Variants in DGKB observed in about 807,000 individuals in gnomAD.
DGKB encodes the protein diacylglycerol kinase beta, also known as 90 kDa diacylglycerol kinase.
Under a neutral mutation model 114.3 loss-of-function variants are expected in DGKB, and 67 were observed. The observed-to-expected ratio is 0.59, with a 90% CI of 0.48 to 0.72. The LOEUF is 0.72. Ranked by LOEUF, DGKB falls within the 30% of genes least tolerant of loss-of-function variation. The pLI is 0.00. For synonymous variants in DGKB, 398 were observed against 323.1 expected, an observed-to-expected ratio of 1.23 and a Z score of -2.49; for missense variants, 907 against 975.2, an observed-to-expected ratio of 0.93 and a Z score of 0.93.
intron 1 of DGKB, among the ~76,000 whole-genome samples, chr7:14,969,698 G>GA (rs1787352330): frequency 6.6e-6 from 1 of 152,100 alleles, no homozygotes; most frequent in African/African-American, 2.4e-5. Context: ...AACCCCCATG[G>GA]AAAAACTGTC....
chr7:14,732,769 T>G (rs1223564065), intron 5 of DGKB, among the ~76,000 whole-genome samples: 2 of 152,186 alleles, frequency 1.3e-5, no homozygotes, highest in African/African-American at 4.8e-5. Flanking sequence ...TTTTTCCATT[T>G]TGAAACCTGA....
intron 2 of DGKB, among the ~76,000 whole-genome samples, chr7:14,817,064 C>G (rs1844256709): frequency 6.6e-6 from 1 of 152,112 alleles, no homozygotes; most frequent in African/African-American, 2.4e-5. Flanking sequence ...TTTGAGATTT[C>G]AGGAAATAGT....
intron 2 of DGKB, among the ~76,000 whole-genome samples, chr7:14,818,369 T>C (rs1025529599): frequency 1.3e-5 from 2 of 152,150 alleles, no homozygotes; most frequent in Non-Finnish European, 2.9e-5. Flanking sequence ...AGTTCTAGAA[T>C]CTTGAACCAG....
At chr7:14,879,114 A>G (rs1055903311) in intron 1 of DGKB, among the ~76,000 whole-genome samples, 1 of 151,962 alleles carries the variant, frequency 6.6e-6, no homozygotes, top group African/African-American at 2.4e-5. Flanking sequence ...TATTTGTTTT[A>G]GCAAAGAACT....
chr7:14,210,878 C>T (rs1787657820), intron 23 of DGKB, among the ~76,000 whole-genome samples: 1 of 151,956 alleles, frequency 6.6e-6, no homozygotes, highest in Non-Finnish European at 1.5e-5. Context: ...AAAGCAAACC[C>T]ATCTCTTCCT....
chr7:14,674,685 G>A (rs575147923), intron 12 of DGKB, among the ~76,000 whole-genome samples: 1 of 152,126 alleles, frequency 6.6e-6, no homozygotes, highest in African/African-American at 2.4e-5. Context: ...TAAGAAGAGG[G>A]GAATCTGGAC....
chr7:14,624,151 T>C (rs1808153610), intron 14 of DGKB, among the ~76,000 whole-genome samples: 1 of 152,198 alleles, frequency 6.6e-6, no homozygotes, highest in Admixed American at 6.5e-5. Flanking sequence ...GTCAGGAACA[T>C]ATTTAAAATT....
intron 23 of DGKB, among the ~76,000 whole-genome samples, chr7:14,300,125 T>A (rs1325560760): frequency 6.6e-6 from 1 of 152,058 alleles, no homozygotes; most frequent in African/African-American, 2.4e-5. Flanking sequence ...AGAGCTCCCG[T>A]GTAGTTTCCA....
chr7:14,454,152 ACTT>A (rs1831938745), intron 21 of DGKB, among the ~76,000 whole-genome samples: 1 of 152,026 alleles, frequency 6.6e-6, no homozygotes, highest in Admixed American at 6.6e-5. Context: ...AGAACATTAC[ACTT>A]CTTCTCTTCT....
rs1462282162 is a variant in DGKB, at chr7:14,840,414, T to A, written c.70+780A>T. ...CTTCAACACCTGACCCAACTGCTGT[T>A]CATATTTATAGTTGAAAGTCACTTT... On this transcript the variant is annotated intron_variant, in intron 2 of 25. Transcript: ENST00000402815. Among the ~76,000 whole-genome samples, 3 of 152,168 alleles carry A rather than the reference T, an allele frequency of 2.0e-5. No individual in the cohort carries two copies. In the South Asian group the frequency reaches 6.2e-4, roughly 31 times the overall value.
chr7:14,876,794 T>G (rs1853360017), intron 1 of DGKB, among the ~76,000 whole-genome samples: 1 of 152,216 alleles, frequency 6.6e-6, no homozygotes, highest in African/African-American at 2.4e-5. Context: ...CAAAGTATGT[T>G]AAAAGTATAT....
At chr7:14,578,745 T>C (rs1799523969) in intron 19 of DGKB, among the ~76,000 whole-genome samples, 2 of 152,258 alleles carry the variant, frequency 1.3e-5, no homozygotes, top group Admixed American at 1.3e-4. Context: ...TCACATTTTC[T>C]GACCAGTTTA....
At chr7:14,646,172 G>C (rs1461528715) in intron 13 of DGKB, among the ~76,000 whole-genome samples, 1 of 152,074 alleles carries the variant, frequency 6.6e-6, no homozygotes, top group Non-Finnish European at 1.5e-5. Context: ...CAAAGGAATA[G>C]AAAAAGATAT....
intron 5 of DGKB, among the ~76,000 whole-genome samples, chr7:14,732,993 A>G (rs1831144487): frequency 6.6e-6 from 1 of 152,216 alleles, no homozygotes; most frequent in Non-Finnish European, 1.5e-5. Context: ...ACAATATTGT[A>G]TCTTATAGAA....
intron 23 of DGKB, among the ~76,000 whole-genome samples, chr7:14,237,006 T>C (rs1438033143): frequency 6.6e-6 from 1 of 152,020 alleles, no homozygotes; most frequent in Non-Finnish European, 1.5e-5. Context: ...ATATTAACCC[T>C]AGCAATCATT....
intron 2 of DGKB, among the ~76,000 whole-genome samples, chr7:14,763,757 T>C (rs1836050570): frequency 1.3e-5 from 2 of 152,170 alleles, no homozygotes; most frequent in Admixed American, 6.6e-5. Flanking sequence ...GAGAAGACTA[T>C]CATATATTCT....
chr7:14,784,037 T>C (rs1447636361), intron 2 of DGKB, among the ~76,000 whole-genome samples: 1 of 152,218 alleles, frequency 6.6e-6, no homozygotes, highest in Non-Finnish European at 1.5e-5. Flanking sequence ...GAATCATAAA[T>C]ATAATGTTGA....
rs567775226 is a variant in DGKB, at chr7:14,786,182, T to C, written c.71-28451A>G. 4.6e-5 allele frequency among the ~76,000 whole-genome samples: 7 copies of C among 151,914 alleles called. No homozygotes were observed. The South Asian group carries it at 1.0e-3, about 23-fold the overall frequency. On this transcript the variant is annotated intron_variant, in intron 2 of 25. Coordinates refer to ENST00000402815, the MANE Select transcript of DGKB (RefSeq NM_001350709.2). ...CACACACGCACACAGCCTTAAGATA[T>C]TATATTCTAGTATGTAGTGGCTAGT...
intron 13 of DGKB, among the ~76,000 whole-genome samples, chr7:14,668,488 T>G (rs1248892343): frequency 6.6e-6 from 1 of 152,136 alleles, no homozygotes; most frequent in African/African-American, 2.4e-5. Context: ...CATGGGACAC[T>G]GGGAAATTTA....
Sources: gnomAD v4.1 joint callset for allele counts (sites outside exome capture counted in the v4.1 genomes callset) on GRCh38, gnomAD v4.1.1 for gene constraint, MANE v1.5 for transcripts, NCBI Gene and HGNC (gene_info 2026-07-23, HGNC 2026-07-21) for gene names.